Variants in ZFR2 observed in about 807,000 individuals in gnomAD.
The protein encoded by ZFR2 is zinc finger RNA binding protein 2.
A neutral mutation model predicts 105.7 loss-of-function variants in ZFR2; 104 were observed. That is an observed-to-expected ratio of 0.98 (90% CI 0.84 to 1.16). The LOEUF (loss-of-function observed/expected upper bound fraction) is 1.16. ZFR2 is among the 50% of genes most tolerant of loss of function. The pLI is 0.00. For missense variants in ZFR2, 1,425 were observed against 1,355.5 expected, an observed-to-expected ratio of 1.05 and a Z score of -0.80; for synonymous variants, 634 against 597.7, an observed-to-expected ratio of 1.06 and a Z score of -0.89.
chr19:3,855,361 T>A (rs982169350), intron 1 of ZFR2: 1 of 1,231,566 alleles, frequency 8.1e-7, no homozygotes, highest in African/African-American at 1.6e-5. Flanking sequence ...GATATTGCTT[T>A]TGCGGGTTGC....
chr19:3,828,517 G>A (rs912749314), intron 5 of ZFR2, among the ~76,000 whole-genome samples: 4 of 152,148 alleles, frequency 2.6e-5, no homozygotes, highest in African/African-American at 7.2e-5. Context: ...CCTGCTGCCC[G>A]AAGGATAGTC....
At chr19:3,837,941 C>T (rs961849581) in intron 1 of ZFR2, among the ~76,000 whole-genome samples, 1 of 151,834 alleles carries the variant, frequency 6.6e-6, no homozygotes, top group Non-Finnish European at 1.5e-5. Flanking sequence ...GACTATGACA[C>T]TTGATGAACA....
intron 1 of ZFR2, chr19:3,855,387 G>C: frequency 8.1e-7 from 1 of 1,231,724 alleles, no homozygotes; most frequent in Non-Finnish European, 1.0e-6. Context: ...GAGAAATTCT[G>C]TGTGTACAAA....
chr19:3,820,145 G>T, intron 11 of ZFR2, 37 bp downstream of exon 11: 1 of 1,543,718 alleles, frequency 6.5e-7, no homozygotes. Flanking sequence ...GGAGTGTGAG[G>T]TCGCCCGCGT....
chr19:3,844,027 C>T (rs1411882296), intron 1 of ZFR2, among the ~76,000 whole-genome samples: 1 of 108,266 alleles, frequency 9.2e-6, no homozygotes, highest in Non-Finnish European at 2.0e-5. Flanking sequence ...GGGGGGGGTG[C>T]CAGGGACCGG....
chr19:3,856,393 A>C (rs957881212), intron 1 of ZFR2, among the ~76,000 whole-genome samples: 1 of 152,094 alleles, frequency 6.6e-6, no homozygotes, highest in African/African-American at 2.4e-5. Context: ...TCGATAGTTA[A>C]TATTTTTTTA....
chr19:3,808,474 G>A (rs139568223), intron 17 of ZFR2, among the ~76,000 whole-genome samples: 4 of 152,250 alleles, frequency 2.6e-5, no homozygotes, highest in South Asian at 2.1e-4. Flanking sequence ...GCAGCTCTGC[G>A]CCCTCTGTCC....
chr19:3,864,704 A>G (rs781057590), intron 1 of ZFR2, among the ~76,000 whole-genome samples: 2 of 152,068 alleles, frequency 1.3e-5, no homozygotes, highest in Non-Finnish European at 2.9e-5. Flanking sequence ...ACTGTGCTCA[A>G]TGCTAATCTT....
chr19:3,862,128 C>T (rs1176401406), intron 1 of ZFR2, among the ~76,000 whole-genome samples: 2 of 152,126 alleles, frequency 1.3e-5, no homozygotes, highest in Non-Finnish European at 2.9e-5. Flanking sequence ...TTTGAAAATG[C>T]TTTTAAATCT....
At chr19:3,833,563 G>C in intron 3 of ZFR2, 101 bp downstream of exon 3, 1 of 936,094 alleles carries the variant, frequency 1.1e-6, no homozygotes, top group Middle Eastern at 2.2e-4. Flanking sequence ...GCAACAGAGC[G>C]AGACTCTGTC....
intron 13 of ZFR2, among the ~76,000 whole-genome samples, chr19:3,814,244 G>A (rs1013113868): frequency 1.3e-5 from 2 of 152,172 alleles, no homozygotes; most frequent in Non-Finnish European, 2.9e-5. Context: ...AAGAAGACCA[G>A]CAATCCAATA....
rs2037795074 is a variant in ZFR2, at chr19:3,813,661, T to G, written c.2242+159A>C. Among the ~76,000 whole-genome samples, 1 of 152,188 alleles carries G rather than the reference T, an allele frequency of 6.6e-6. No individual in the cohort carries two copies. Among genetic ancestry groups the G allele is most frequent in the Admixed American group, 6.5e-5 (1 of 15,272 alleles). ...GCTGCCCGGAGACCCAGCTCTTGTGTGACCCATGGAATCCTCAGGGGGACA... is the reference window on the plus strand; with the variant it reads ...GCTGCCCGGAGACCCAGCTCTTGTGGGACCCATGGAATCCTCAGGGGGACA... On this transcript the variant is annotated intron_variant, in intron 14 of 18. Transcript: ENST00000262961. This position sits in a 1 kb window ranked among gnomAD's most constrained non-coding sequence, Gnocchi z 4.4.
rs993933062 is a variant in ZFR2, at chr19:3,838,176, A to G, written c.54-3193T>C. On this transcript the variant is annotated intron_variant, in intron 1 of 18. Transcript: ENST00000262961. The surrounding 1 kb of genome is among the most constrained non-coding windows in gnomAD (Gnocchi z 4.9). Reference sequence around the variant, plus strand: ...GTGACTGTGACACTCGATGAACACCATGACCGTGACACCCGATGAACATCC... The same window carrying G: ...GTGACTGTGACACTCGATGAACACCGTGACCGTGACACCCGATGAACATCC... Among the ~76,000 whole-genome samples, 25 of 150,028 alleles carry G rather than the reference A, an allele frequency of 1.7e-4. No homozygotes were observed. In the East Asian group the frequency reaches 1.7e-3, roughly 10 times the overall value.
chr19:3,839,447 C>T (rs1382465176), intron 1 of ZFR2, among the ~76,000 whole-genome samples: 8 of 143,586 alleles, frequency 5.6e-5, no homozygotes, highest in African/African-American at 2.0e-4. Context: ...GCACGAGAAT[C>T]GCTGGAACCC....
At chr19:3,857,810 G>A (rs1223401990) in intron 1 of ZFR2, among the ~76,000 whole-genome samples, 1 of 152,024 alleles carries the variant, frequency 6.6e-6, no homozygotes, top group African/African-American at 2.4e-5. Flanking sequence ...GTTGCTGGAA[G>A]GAACTGTGCC....
intron 12 of ZFR2, 92 bp downstream of exon 12, chr19:3,818,953 C>G: frequency 6.8e-7 from 1 of 1,464,550 alleles, no homozygotes; most frequent in South Asian, 1.3e-5. Context: ...CCAGGCCCAT[C>G]AGAGCTAGGG....
Position 3,810,786 on chromosome 19 carries a change from G to T in ZFR2, c.2397C>A (p.Cys799Ter), listed in dbSNP as rs1379732003. 1 of 1,550,332 alleles carries T rather than the reference G, an allele frequency of 6.5e-7. No homozygotes were observed. The highest frequency in any genetic ancestry group is 1.4e-5 in the African/African-American group (1 of 73,180). ...VIVIRVLRDL[C>*]RRVPTWGALP... Reference sequence around the variant, plus strand: ...GGGCCCCCCAGGTGGGCACACGCCGGCAGAGGTCCCTCAGGACCCTGATGA... The same window carrying T: ...GGGCCCCCCAGGTGGGCACACGCCGTCAGAGGTCCCTCAGGACCCTGATGA... Residue 799 changes from cysteine to a stop codon, truncating the protein, a stop_gained, in exon 16 of 19, where the codon TGC becomes TGA. Coordinates refer to ENST00000262961, the MANE Select transcript of ZFR2 (RefSeq NM_015174.2). LOFTEE classifies it high-confidence loss of function.
rs1453143744 is a variant in ZFR2 at position 3,805,789 on chromosome 19, G to A, written c.*160C>T. The A allele has an allele frequency of 1.2e-5, 10 of 859,220 alleles. No individual in the cohort carries two copies. The highest frequency in any genetic ancestry group is 5.4e-5 in the African/African-American group (3 of 55,824). The allele number at this position is 859,220 out of a possible 1,614,324, so 53.2% of individuals were successfully genotyped here. On this transcript the variant is annotated 3_prime_UTR_variant, in exon 19 of 19. Transcript: ENST00000262961. ...TGGGATTAAAGGCATGAGCCACAGT[G>A]CCCGGTCTGAAGCACAGGTGTTTTA...
rs562954447 is a variant in ZFR2, at chr19:3,838,333, T to C, written c.54-3350A>G. On this transcript the variant is annotated intron_variant, in intron 1 of 18. Coordinates refer to ENST00000262961, the MANE Select transcript of ZFR2 (RefSeq NM_015174.2). This position sits in a 1 kb window ranked among gnomAD's most constrained non-coding sequence, Gnocchi z 4.9. ...AGTGGCAGTACTCCTGTTCCCACACTCCCTCCCGTAGGTGGCTATGAAGAA... is the reference window on the plus strand; with the variant it reads ...AGTGGCAGTACTCCTGTTCCCACACCCCCTCCCGTAGGTGGCTATGAAGAA... Among the ~76,000 whole-genome samples the C allele has an allele frequency of 1.1e-3, 169 of 152,198 alleles. No homozygotes were observed. The highest frequency in any genetic ancestry group is 2.0e-3 in the Admixed American group (31 of 15,272).
Sources: gnomAD v4.1 joint callset for allele counts (sites outside exome capture counted in the v4.1 genomes callset) on GRCh38, gnomAD v4.1.1 for gene constraint, Gnocchi (gnomAD v3.1) non-coding constraint, MANE v1.5 for transcripts, NCBI Gene and HGNC (gene_info 2026-07-23, HGNC 2026-07-21) for gene names.